The following ADA2 variants were observed in gnomAD, a reference collection of about 807,000 sequenced individuals.
The protein encoded by ADA2 is adenosine deaminase 2.
In ADA2, 29 loss-of-function variants were observed where a neutral mutation model predicts 44.2. That is an observed-to-expected ratio of 0.66 (90% CI 0.49 to 0.89). The LOEUF (loss-of-function observed/expected upper bound fraction) is 0.89. Ranked by LOEUF, ADA2 falls within the 40% of genes least tolerant of loss-of-function variation. The pLI is 0.00. For synonymous variants in ADA2, 215 were observed against 234.9 expected (o/e 0.92, Z 0.77); for missense variants, 637 against 644.8 (o/e 0.99, Z 0.13).
Position 17,203,786 on chromosome 22 carries a change from C to T in ADA2, c.543-13G>A, listed in dbSNP as rs780004987. ...ATTCCTCAGCAAGCTGTCCAAGACA[C>T]GAAGTGGGGAGTGGCAGAGGCATGA... On this transcript the variant is annotated splice_polypyrimidine_tract_variant and intron_variant, in intron 3 of 9. Coordinates refer to ENST00000399837, the MANE Select transcript of ADA2 (RefSeq NM_001282225.2). 8.7e-6 allele frequency: 14 copies of T among 1,600,326 alleles called. No homozygotes were observed. The highest frequency in any genetic ancestry group is 1.3e-5 in the African/African-American group (1 of 74,630).
intron 1 of ADA2, 137 bp from the exon 2 acceptor site, chr22:17,209,860 T>TACAGGTAC: frequency 1.7e-6 from 1 of 598,900 alleles, no homozygotes; most frequent in East Asian, 2.8e-5. Context: ...AGAAAAGACC[T>TACAGGTAC]ACAGGTACAG....
chr22:17,208,445 G>GA lies in ADA2; in HGVS notation c.322+910dup, dbSNP rs112738666. Among the ~76,000 whole-genome samples the GA allele has an allele frequency of 8.8e-3, 1,208 of 136,566 alleles. 7 individuals carry two copies. The highest frequency in any genetic ancestry group is 0.012 in the African/African-American group (436 of 36,720). 89.6% of individuals were successfully genotyped at this position (136,566 alleles called of 152,430 possible). A position where few individuals can be genotyped will look rare whatever the true frequency, so the allele number is the denominator to read the frequency against. On this transcript the variant is annotated intron_variant, in intron 2 of 9. Coordinates refer to ENST00000399837, the MANE Select transcript of ADA2 (RefSeq NM_001282225.2). ...TCTCAAAAAAAAAAAGAAAAAAAAA[G>GA]AAAAAAAAAAAACAGGTGTTAAGTC...
intron 4 of ADA2, among the ~76,000 whole-genome samples, chr22:17,197,268 T>TC (rs1360328625): frequency 1.4e-5 from 2 of 143,198 alleles, no homozygotes; most frequent in Middle Eastern, 3.3e-3. Flanking sequence ...TTCTTTTTTT[T>TC]CTTTTTTTTT....
intron 7 of ADA2, among the ~76,000 whole-genome samples, chr22:17,188,104 AAAG>A (rs930528465): frequency 3.3e-5 from 1 of 30,344 alleles, no homozygotes; most frequent in African/African-American, 9.6e-5. Context: ...AAGAAGAAGA[AAAG>A]AAAACAGGAA....
intron 4 of ADA2, among the ~76,000 whole-genome samples, chr22:17,199,311 G>A (rs1257016583): frequency 6.7e-6 from 1 of 149,452 alleles, no homozygotes. Context: ...GGAACAGGAA[G>A]CCAGTGCTCT....
At chr22:17,185,834 C>T (rs912510009) in intron 7 of ADA2, among the ~76,000 whole-genome samples, 5 of 152,188 alleles carry the variant, frequency 3.3e-5, no homozygotes, top group Non-Finnish European at 5.9e-5. Flanking sequence ...CTCTCCACCC[C>T]TCTTTGGTCT....
chr22:17,219,977 C>T (rs1477255026), upstream of ADA2, among the ~76,000 whole-genome samples: 3 of 152,020 alleles, frequency 2.0e-5, no homozygotes, highest in East Asian at 5.8e-4. Context: ...TGCCCGGCCG[C>T]ATGTGGGTTT....
At chr22:17,186,824 G>A (rs1019819638) in intron 7 of ADA2, among the ~76,000 whole-genome samples, 6 of 144,454 alleles carry the variant, frequency 4.2e-5, no homozygotes, top group African/African-American at 1.6e-4. Flanking sequence ...AGCCAAGATC[G>A]CACCACTGCA....
rs2231494 is a variant in ADA2 at position 17,188,572 on chromosome 22, C to T, written c.973-125G>A. The T allele has an allele frequency of 0.019, 11,814 of 632,042 alleles. 1,083 individuals are homozygous for T. The African/African-American group carries it at 0.2, about 10-fold the overall frequency. The allele number at this position is 632,042 out of a possible 1,614,324, so 39.2% of individuals were successfully genotyped here. ...CACCACTGCCGGGACCTTTGTCACA[C>T]AGCCTTTTAAGAATGACCAGGAGCA... On this transcript the variant is annotated intron_variant, in intron 6 of 9. Coordinates refer to ENST00000399837, the MANE Select transcript of ADA2 (RefSeq NM_001282225.2).
At chr22:17,195,585 T>G (rs1203401213) in intron 4 of ADA2, among the ~76,000 whole-genome samples, 1 of 152,036 alleles carries the variant, frequency 6.6e-6, no homozygotes, top group African/African-American at 2.4e-5. Flanking sequence ...TGCAACAGTC[T>G]TGCCGTGTCG....
At chr22:17,206,983 T>G in intron 3 of ADA2, 88 bp downstream of exon 3, 1 of 990,704 alleles carries the variant, frequency 1.0e-6, no homozygotes, top group Non-Finnish European at 1.5e-6. Context: ...AGCCAGATTT[T>G]TATCTATAGG....
intron 1 of ADA2, among the ~76,000 whole-genome samples, chr22:17,210,112 G>A (rs1426938285): frequency 2.0e-5 from 3 of 151,720 alleles, no homozygotes; most frequent in Non-Finnish European, 4.4e-5. Context: ...GGATGGTCAC[G>A]ATCTCCTGAC....
chr22:17,180,116 G>C lies in ADA2; in HGVS notation c.*1367C>G, dbSNP rs2061952439. 1 of 152,386 alleles carries C rather than the reference G, an allele frequency of 6.6e-6. No homozygotes were observed. The highest frequency in any genetic ancestry group is 6.5e-5 in the Admixed American group (1 of 15,284). The allele number at this position is 152,386 out of a possible 1,614,324, so 9.4% of individuals were successfully genotyped here. A position where few individuals can be genotyped will look rare whatever the true frequency, so the allele number is the denominator to read the frequency against. ...GCTGCACTCCACCCTGGGCAACAGA[G>C]CGAGACTCCATCTCAAACAAAACAA... On this transcript the variant is annotated 3_prime_UTR_variant, in exon 10 of 10. Transcript: ENST00000399837.
intron 1 of ADA2, among the ~76,000 whole-genome samples, chr22:17,211,314 G>A (rs181688888): frequency 1.2e-4 from 18 of 150,736 alleles, no homozygotes; most frequent in East Asian, 1.2e-3. Context: ...AGCTGAGTTC[G>A]CGCCACTGCA....
rs190705439 is a variant in ADA2 at position 17,204,081 on chromosome 22, C to G, written c.543-308G>C. 2.6e-4 allele frequency among the ~76,000 whole-genome samples: 39 copies of G among 152,074 alleles called. 1 individual carries two copies. In the East Asian group the frequency reaches 7.2e-3, roughly 28 times the overall value. On this transcript the variant is annotated intron_variant, in intron 3 of 9. Coordinates refer to ENST00000399837, the MANE Select transcript of ADA2 (RefSeq NM_001282225.2). ...CCTCTGTATGCTTGGCCAGTCTGAC[C>G]CCACTGTACTTTCTAGACCAAAAAG...
intron 4 of ADA2, among the ~76,000 whole-genome samples, chr22:17,194,037 A>G (rs1417648532): frequency 2.0e-5 from 3 of 146,348 alleles, no homozygotes; most frequent in Non-Finnish European, 4.5e-5. Flanking sequence ...AAAAAAAAAG[A>G]AACAATAGAA....
Position 17,209,576 on chromosome 22 carries a change from C to T in ADA2, c.102G>A (p.Arg34=), listed in dbSNP as rs113192455. 10 of 1,614,076 alleles carry T rather than the reference C, an allele frequency of 6.2e-6. No individual in the cohort carries two copies. The African/African-American group carries it at 6.7e-5, about 11-fold the overall frequency. ...FGSALSIDET[R]AHLLLKEKMM... ...TCTTTTCTTTCAACAACAGATGCGC[C>T]CGTGTTTCATCTATGGATAGAGCTG... Residue 34 remains arginine, a synonymous_variant, in exon 2 of 10, where the codon CGG becomes CGA. Transcript: ENST00000399837.
intron 4 of ADA2, among the ~76,000 whole-genome samples, chr22:17,194,474 G>A (rs1268307490): frequency 2.6e-5 from 4 of 152,130 alleles, no homozygotes; most frequent in Non-Finnish European, 5.9e-5. Context: ...GAACAGTACT[G>A]CTGCTCTCTC....
chr22:17,192,127 G>A (rs972888494), intron 4 of ADA2, among the ~76,000 whole-genome samples: 1 of 152,072 alleles, frequency 6.6e-6, no homozygotes, highest in Non-Finnish European at 1.5e-5. Context: ...AGCCAGGCTG[G>A]ACTTGTGCTT....
Sources: gnomAD v4.1 joint callset for allele counts (sites outside exome capture counted in the v4.1 genomes callset) on GRCh38, gnomAD v4.1.1 for gene constraint, MANE v1.5 for transcripts, NCBI Gene and HGNC (gene_info 2026-07-23, HGNC 2026-07-21) for gene names.